C3: variants seen among roughly 807,000 people sequenced by gnomAD.
C3 encodes the protein complement C3.
In C3, 97 loss-of-function variants were observed where a neutral mutation model predicts 207.9. That is an observed-to-expected ratio of 0.47 (90% CI 0.40 to 0.55). The LOEUF (loss-of-function observed/expected upper bound fraction) is 0.55. Among genes scored for constraint, C3 ranks in the 20% least tolerant of loss-of-function variants. The pLI is 0.00. For synonymous variants in C3, 848 were observed against 857.6 expected, an observed-to-expected ratio of 0.99 and a Z score of 0.20; for missense variants, 1,684 against 2,171.7, an observed-to-expected ratio of 0.78 and a Z score of 4.46.
At chr19:6,720,204 C>A (rs1156337093) in intron 1 of C3, among the ~76,000 whole-genome samples, 2 of 152,012 alleles carry the variant, frequency 1.3e-5, no homozygotes, top group Non-Finnish European at 2.9e-5. Context: ...AACTCTCAGG[C>A]AGCCCAAATG....
chr19:6,687,735 G>A (rs1918045492), intron 27 of C3, among the ~76,000 whole-genome samples: 1 of 152,200 alleles, frequency 6.6e-6, no homozygotes, highest in Non-Finnish European at 1.5e-5. Flanking sequence ...TATAGATTAT[G>A]GGAGTAAGGC....
At chr19:6,695,205 G>T (rs540053605) in intron 23 of C3, among the ~76,000 whole-genome samples, 155 of 151,542 alleles carry the variant, frequency 1.0e-3, no homozygotes, top group South Asian at 3.4e-3. Flanking sequence ...GGGAGGCTGG[G>T]GTTGCAGTGA....
At chr19:6,695,459 T>C (rs1236892416) in intron 23 of C3, among the ~76,000 whole-genome samples, 1 of 152,092 alleles carries the variant, frequency 6.6e-6, no homozygotes, top group African/African-American at 2.4e-5. Flanking sequence ...TGTACTATGT[T>C]GCTTGTCTTT....
At chr19:6,686,065 C>A in intron 29 of C3, 59 bp downstream of exon 29, 1 of 1,565,058 alleles carries the variant, frequency 6.4e-7, no homozygotes, top group Non-Finnish European at 8.8e-7. Context: ...CTCTAGGAGG[C>A]CAGTGGGAAG....
intron 20 of C3, 44 bp downstream of exon 20, chr19:6,697,608 C>A: frequency 1.2e-6 from 2 of 1,613,438 alleles, no homozygotes; most frequent in African/African-American, 1.3e-5. Context: ...AGGCTACCTA[C>A]CCCCTGGCAG....
In C3 at chr19:6,678,175, G is replaced by C. The variant is rs150537373; in HGVS notation, c.4827C>G (p.Ser1609=). Residue 1609 remains serine (S), a synonymous_variant, in exon 40 of 41, where the codon TCC becomes TCG. Transcript: ENST00000245907. ...ACTTGGGCTTCTCTCCCCAGAAATC[G>C]GAGGAGAGACCCCACATGAGGTAGT... ...KKHYLMWGLS[S]DFWGEKPNLS... The C allele has an allele frequency of 2.5e-6, 4 of 1,614,086 alleles. No individual in the cohort carries two copies. The highest frequency in any genetic ancestry group is 2.2e-5 in the East Asian group (1 of 44,882).
chr19:6,681,963 G>C lies in C3; in HGVS notation c.4328C>G (p.Thr1443Ser). 6.2e-7 allele frequency: 1 copy of C among 1,613,944 alleles called. No homozygotes were observed. Among genetic ancestry groups the C allele is most frequent in the Non-Finnish European group, 8.5e-7 (1 of 1,179,844 alleles). ...ELDKAFSDRN[T>S]LIIYLDKVSH... ...TACCTTGTCCAGGTAGATGATGAGG[G>C]TGTTCCTATCGGAGAAGGCTTTGTC... Residue 1443 changes from threonine (T) to serine (S), a missense_variant, in exon 35 of 41, where the codon ACC becomes AGC. This residue lies in a region of C3 where 346 missense variants were observed against 380.1 expected (regional missense o/e 0.91). Transcript: ENST00000245907.
chr19:6,682,093 C>T lies in C3; in HGVS notation c.4260+49G>A, dbSNP rs758275799. On this transcript the variant is annotated intron_variant, in intron 34 of 40. Transcript: ENST00000245907. ...ACCCCTCTCTCCCTGCAGCCTCTTCCAGAACCCAGGCTCCTTTCCACTTAT... is the reference window on the plus strand; with the variant it reads ...ACCCCTCTCTCCCTGCAGCCTCTTCTAGAACCCAGGCTCCTTTCCACTTAT... The T allele has an allele frequency of 7.5e-6, 12 of 1,604,880 alleles. No homozygotes were observed. The South Asian group carries it at 1.3e-4, about 18-fold the overall frequency.
chr19:6,718,989 G>A (rs1968107994), intron 2 of C3, among the ~76,000 whole-genome samples: 1 of 122,432 alleles, frequency 8.2e-6, no homozygotes, highest in Non-Finnish European at 1.7e-5. Flanking sequence ...GGGTGGGGGG[G>A]GGTCTCAGAA....
chr19:6,692,187 C>T (rs1209410833), intron 26 of C3, among the ~76,000 whole-genome samples: 1 of 152,114 alleles, frequency 6.6e-6, no homozygotes, highest in Non-Finnish European at 1.5e-5. Flanking sequence ...ACTGCAGCCT[C>T]GACCTCCTGG....
In C3 at chr19:6,714,217, C is replaced by G; in HGVS notation, c.631G>C (p.Glu211Gln). 6.2e-7 allele frequency: 1 copy of G among 1,613,840 alleles called. No individual in the cohort carries two copies. Among genetic ancestry groups the G allele is most frequent in the Non-Finnish European group, 8.5e-7 (1 of 1,179,976 alleles). ...GAGAAGACCTGCTGTGGTGAGTTTTCATAGTAGGCTCGGATCTTCCACTGG... is the reference window on the plus strand; with the variant it reads ...GAGAAGACCTGCTGTGGTGAGTTTTGATAGTAGGCTCGGATCTTCCACTGG... Reference protein sequence around the residue: ...MGQWKIRAYYENSPQQVFSTE... With the variant: ...MGQWKIRAYYQNSPQQVFSTE... The change falls in exon 6 of 41, where the codon GAA becomes CAA. Residue 211 changes from glutamate to glutamine, a missense_variant. Coordinates refer to ENST00000245907, the MANE Select transcript of C3 (RefSeq NM_000064.4).
chr19:6,696,336 T>G (rs760435977), intron 23 of C3, 43 bp downstream of exon 23: 2 of 1,384,034 alleles, frequency 1.4e-6, no homozygotes, highest in East Asian at 4.7e-5. Flanking sequence ...GCTCCATCCA[T>G]GCCCTCCTGG....
At chr19:6,693,380 A>G in intron 25 of C3, 32 bp downstream of exon 25, 1 of 1,588,156 alleles carries the variant, frequency 6.3e-7, no homozygotes, top group South Asian at 1.1e-5. Context: ...GGTGGGGAGT[A>G]TGCATGGCCT....
intron 11 of C3, 141 bp downstream of exon 11, chr19:6,712,116 C>T (rs190582943): frequency 1.9e-6 from 2 of 1,063,378 alleles, no homozygotes; most frequent in Non-Finnish European, 2.8e-6. Flanking sequence ...ATGCAAATGG[C>T]AGGACCCCTC....
At chr19:6,686,350 G>C in intron 28 of C3, 63 bp from the exon 29 acceptor site, 1 of 1,566,522 alleles carries the variant, frequency 6.4e-7, no homozygotes, top group African/African-American at 1.4e-5. Context: ...ATGGCTCAGA[G>C]AAAGCTCAGA....
chr19:6,700,665 TTA>T (rs1157964650), intron 19 of C3, among the ~76,000 whole-genome samples: 642 of 59,778 alleles, frequency 0.011, 246 homozygotes, highest in African/African-American at 0.053. Flanking sequence ...ATATGATATA[TTA>T]TATATGTAAT....
At chr19:6,715,816 G>A (rs911118426) in intron 4 of C3, among the ~76,000 whole-genome samples, 6 of 151,760 alleles carry the variant, frequency 4.0e-5, no homozygotes, top group Admixed American at 2.6e-4. Flanking sequence ...TAATAAAGAC[G>A]GGGTTTCACC....
chr19:6,689,764 C>T (rs759182950), intron 27 of C3, among the ~76,000 whole-genome samples: 12 of 151,846 alleles, frequency 7.9e-5, no homozygotes, highest in Non-Finnish European at 1.3e-4. Context: ...GGCAGATCAC[C>T]TGAGGTCAGG....
In C3 at chr19:6,700,498, A is replaced by G. The variant is rs57885364; in HGVS notation, c.2440+1629T>C. Among the ~76,000 whole-genome samples the G allele has an allele frequency of 7.3e-4, 24 of 32,978 alleles. 4 individuals carry two copies. The highest frequency in any genetic ancestry group is 1.6e-3 in the East Asian group (1 of 622). 21.6% of individuals were successfully genotyped at this position (32,978 alleles called of 152,430 possible). A position where few individuals can be genotyped will look rare whatever the true frequency, so the allele number is the denominator to read the frequency against. On this transcript the variant is annotated intron_variant, in intron 19 of 40. Coordinates refer to ENST00000245907, the MANE Select transcript of C3 (RefSeq NM_000064.4). Reference sequence around the variant, plus strand: ...ATATATAATATATGTAATATGATATATTATATATGTAATATATAATATATG... The same window carrying G: ...ATATATAATATATGTAATATGATATGTTATATATGTAATATATAATATATG...
Sources: allele counts gnomAD v4.1 joint callset (sites outside exome capture counted in the v4.1 genomes callset), GRCh38; gene constraint gnomAD v4.1.1; regional missense constraint gnomAD v4.1.1; transcripts MANE v1.5; gene names NCBI Gene and HGNC (gene_info 2026-07-23, HGNC 2026-07-21).